The following ARHGAP26 variants were observed in gnomAD, a reference collection of about 807,000 sequenced individuals.
ARHGAP26 encodes the protein Rho GTPase activating protein 26.
A neutral mutation model predicts 104.8 loss-of-function variants in ARHGAP26; 38 were observed. The observed-to-expected ratio is 0.36, with a 90% CI of 0.28 to 0.48. The LOEUF is 0.48. ARHGAP26 is among the 20% of genes least tolerant of loss of function. The pLI is 0.99. For missense variants in ARHGAP26, 704 were observed against 947.9 expected, an observed-to-expected ratio of 0.74 and a Z score of 3.38; for synonymous variants, 341 against 340.0, an observed-to-expected ratio of 1.00 and a Z score of -0.03.
At chr5:142,813,562 A>G (rs895762970) in intron 1 of ARHGAP26, among the ~76,000 whole-genome samples, 2 of 152,162 alleles carry the variant, frequency 1.3e-5, no homozygotes. Context: ...GTGTTCTCAT[A>G]ATTCTGGAGG....
At position 143,222,460 on chromosome 5, in the gene ARHGAP26, C is replaced by T; in HGVS notation, c.*14C>T. 6.3e-7 allele frequency: 1 copy of T among 1,579,340 alleles called. No individual in the cohort carries two copies. Among genetic ancestry groups the T allele is most frequent in the Non-Finnish European group, 8.6e-7 (1 of 1,156,406 alleles). On this transcript the variant is annotated 3_prime_UTR_variant, in exon 23 of 23. Coordinates refer to ENST00000645722, the MANE Select transcript of ARHGAP26 (RefSeq NM_001135608.3). ...GAGTTCCTCTAACCGTGGGCCCCAG[C>T]AGAACTGCTGAGCTTTACATGGTAT...
intron 11 of ARHGAP26, among the ~76,000 whole-genome samples, chr5:142,942,972 G>A (rs960484244): frequency 1.3e-5 from 2 of 152,200 alleles, no homozygotes; most frequent in Admixed American, 6.5e-5. Flanking sequence ...GGAGAGACGA[G>A]GTTTCAACAT....
intron 18 of ARHGAP26, among the ~76,000 whole-genome samples, chr5:143,124,341 T>C (rs2150820511): frequency 6.6e-6 from 1 of 152,322 alleles, no homozygotes; most frequent in Non-Finnish European, 1.5e-5. Context: ...CCATGAGATG[T>C]TTTAATTTTC....
At chr5:142,992,332 C>A (rs1175268834) in intron 11 of ARHGAP26, among the ~76,000 whole-genome samples, 1 of 152,086 alleles carries the variant, frequency 6.6e-6, no homozygotes, top group Non-Finnish European at 1.5e-5. Context: ...TTTTTATTAT[C>A]TTAACACTAT....
At chr5:142,941,956 T>C (rs963840177) in intron 11 of ARHGAP26, among the ~76,000 whole-genome samples, 1 of 152,202 alleles carries the variant, frequency 6.6e-6, no homozygotes, top group Admixed American at 6.5e-5. Context: ...GCAGTCACTT[T>C]GATGGGTAGT....
chr5:143,154,160 T>TAAAAAAAAA (rs10650559), intron 20 of ARHGAP26, among the ~76,000 whole-genome samples: 6 of 142,470 alleles, frequency 4.2e-5, no homozygotes, highest in East Asian at 2.0e-4. Flanking sequence ...TTAAAAATAT[T>TAAAAAAAAA]AAAAAAAAAA....
At chr5:142,918,246 A>G (rs1762755720) in intron 10 of ARHGAP26, among the ~76,000 whole-genome samples, 2 of 152,140 alleles carry the variant, frequency 1.3e-5, no homozygotes, top group South Asian at 4.2e-4. Flanking sequence ...TCCCGGGTTC[A>G]AGCGATTCTC....
At chr5:143,161,952 A>G (rs1028422373) in intron 20 of ARHGAP26, among the ~76,000 whole-genome samples, 2 of 152,204 alleles carry the variant, frequency 1.3e-5, no homozygotes, top group African/African-American at 4.8e-5. Flanking sequence ...GAATTTAAGG[A>G]TGATGGCCCT....
At chr5:142,903,011 C>T (rs1306936271) in intron 7 of ARHGAP26, among the ~76,000 whole-genome samples, 2 of 152,168 alleles carry the variant, frequency 1.3e-5, no homozygotes, top group East Asian at 3.8e-4. Context: ...CAAAGTCGCC[C>T]TGAATACAAG....
At chr5:142,839,894 G>GGAGGA (rs1361913687) in intron 1 of ARHGAP26, among the ~76,000 whole-genome samples, 3 of 144,550 alleles carry the variant, frequency 2.1e-5, no homozygotes, top group African/African-American at 8.1e-5. Flanking sequence ...GAGAGAGAGA[G>GGAGGA]GAGGGGAGGG....
chr5:142,781,138 G>C (rs1280885179), intron 1 of ARHGAP26, among the ~76,000 whole-genome samples: 3 of 152,150 alleles, frequency 2.0e-5, no homozygotes, highest in East Asian at 1.9e-4. Flanking sequence ...AAGGGCCTCT[G>C]GGGGAGGGAG....
intron 1 of ARHGAP26, among the ~76,000 whole-genome samples, chr5:142,816,511 G>T (rs192230532): frequency 1.9e-4 from 29 of 152,310 alleles, no homozygotes; most frequent in African/African-American, 6.7e-4. Context: ...AGAAGCAAAG[G>T]CATCTTGTAG....
At chr5:142,980,724 G>A (rs1220811313) in intron 11 of ARHGAP26, among the ~76,000 whole-genome samples, 1 of 152,096 alleles carries the variant, frequency 6.6e-6, no homozygotes, top group Non-Finnish European at 1.5e-5. Context: ...GAGGCCATAA[G>A]TACTTATCTC....
intron 19 of ARHGAP26, among the ~76,000 whole-genome samples, chr5:143,142,789 T>A (rs1798718259): frequency 6.6e-6 from 1 of 152,218 alleles, no homozygotes; most frequent in Admixed American, 6.5e-5. Flanking sequence ...CAAAATTCAT[T>A]AAGCTGCTGT....
chr5:143,215,474 C>A (rs1810199265), intron 22 of ARHGAP26, among the ~76,000 whole-genome samples: 1 of 152,074 alleles, frequency 6.6e-6, no homozygotes, highest in Admixed American at 6.5e-5. Flanking sequence ...ATTAAGATAG[C>A]CATACAACAT....
At chr5:142,808,799 C>T (rs943242650) in intron 1 of ARHGAP26, among the ~76,000 whole-genome samples, 2 of 152,088 alleles carry the variant, frequency 1.3e-5, no homozygotes, top group East Asian at 1.9e-4. Flanking sequence ...CTTCTATCAC[C>T]GCGGAGTGTA....
At chr5:143,156,888 G>T (rs1019902284) in intron 20 of ARHGAP26, among the ~76,000 whole-genome samples, 1 of 152,268 alleles carries the variant, frequency 6.6e-6, no homozygotes, top group African/African-American at 2.4e-5. Context: ...AGCCCAGTCA[G>T]CTGCTTCGCA....
chr5:143,050,564 G>T (rs1222603782), intron 14 of ARHGAP26, among the ~76,000 whole-genome samples: 7 of 151,938 alleles, frequency 4.6e-5, no homozygotes, highest in Non-Finnish European at 1.5e-5. Flanking sequence ...TTCACAGAGT[G>T]GCATAAATAA....
chr5:143,152,552 G>A (rs901175514), intron 20 of ARHGAP26, among the ~76,000 whole-genome samples: 5 of 152,200 alleles, frequency 3.3e-5, no homozygotes, highest in Non-Finnish European at 7.3e-5. Flanking sequence ...CCTAATGCCT[G>A]TAGGCCCATA....
Sources: gnomAD v4.1 joint callset for allele counts (sites outside exome capture counted in the v4.1 genomes callset) on GRCh38, gnomAD v4.1.1 for gene constraint, MANE v1.5 for transcripts, NCBI Gene and HGNC (gene_info 2026-07-23, HGNC 2026-07-21) for gene names.